Variants in TNIP3 observed in about 807,000 individuals in gnomAD.
TNIP3 encodes TNFAIP3-interacting protein 3.
TNIP3 carries 34 observed loss-of-function variants against 54.1 expected under a neutral mutation model. The ratio of observed to expected loss-of-function variants is 0.63; its 90% CI spans 0.48 to 0.84. TNIP3 has a LOEUF of 0.84. Ranked by LOEUF, TNIP3 falls within the 40% of genes least tolerant of loss-of-function variation. TNIP3 has a pLI of 0.00. For synonymous variants in TNIP3, 134 were observed against 136.8 expected (o/e 0.98, Z 0.14); for missense variants, 366 against 387.6 (o/e 0.94, Z 0.47).
intron 7 of TNIP3, 63 bp from the exon 8 acceptor site, chr4:121,142,839 C>G: frequency 7.0e-7 from 1 of 1,423,470 alleles, no homozygotes; most frequent in Non-Finnish European, 9.8e-7. Context: ...TCCCAAGCCA[C>G]TCTTGACCTA....
upstream of TNIP3, among the ~76,000 whole-genome samples, chr4:121,218,636 CTCTG>C (rs1468300055): frequency 6.6e-6 from 1 of 151,252 alleles, no homozygotes; most frequent in African/African-American, 2.4e-5. Context: ...CTCTCCCTCT[CTCTG>C]TCTCTCTTTC....
At chr4:121,177,393 A>T (rs1388805373) in intron 3 of TNIP3, among the ~76,000 whole-genome samples, 1 of 152,160 alleles carries the variant, frequency 6.6e-6, no homozygotes, top group Non-Finnish European at 1.5e-5. Context: ...GGAGTTCCTC[A>T]TGTTCATCAA....
intron 9 of TNIP3, among the ~76,000 whole-genome samples, chr4:121,139,206 TGAA>T (rs1437188481): frequency 6.6e-6 from 1 of 152,216 alleles, no homozygotes; most frequent in East Asian, 1.9e-4. Flanking sequence ...TTTGCTGTTG[TGAA>T]GAACCGATCC....
chr4:121,134,181 T>A (rs555054793), intron 10 of TNIP3, among the ~76,000 whole-genome samples: 6 of 152,286 alleles, frequency 3.9e-5, no homozygotes, highest in Admixed American at 2.0e-4. Context: ...CAGTTTCACA[T>A]CCCTACATTT....
At chr4:121,204,196 G>C (rs1726055659) in intron 2 of TNIP3, among the ~76,000 whole-genome samples, 2 of 152,210 alleles carry the variant, frequency 1.3e-5, no homozygotes, top group South Asian at 4.1e-4. Context: ...GCAAAGTCAA[G>C]CTGGAAACTG....
intron 2 of TNIP3, among the ~76,000 whole-genome samples, chr4:121,160,336 G>A (rs1264792316): frequency 6.6e-6 from 1 of 152,064 alleles, no homozygotes; most frequent in Non-Finnish European, 1.5e-5. Context: ...AATATTAGCT[G>A]GGCATGGTCG....
chr4:121,213,315 CA>C (rs1167089571), intron 2 of TNIP3, among the ~76,000 whole-genome samples: 8 of 152,148 alleles, frequency 5.3e-5, no homozygotes, highest in Admixed American at 3.9e-4. Context: ...CATGAGAACA[CA>C]AAGTCATCTC....
chr4:121,134,686 G>A (rs866368728), intron 10 of TNIP3, among the ~76,000 whole-genome samples: 2 of 152,174 alleles, frequency 1.3e-5, no homozygotes, highest in Admixed American at 6.5e-5. Context: ...TGAGAGCAAA[G>A]CTGGAAATTA....
rs139217831 is a variant in TNIP3 at position 121,208,146 on chromosome 4, G to C, written c.68+8269C>G. 9.6e-4 allele frequency among the ~76,000 whole-genome samples: 146 copies of C among 152,192 alleles called. 3 individuals are homozygous for C. The East Asian group carries it at 0.024, about 25-fold the overall frequency. ...ATGTCTTTATCAGCAGCATGAAAAT[G>C]AACTAATATACAACCCTTTCCCAAA... On this transcript the variant is annotated intron_variant, in intron 2 of 12. Coordinates refer to the TNIP3 transcript ENST00000507879.
At chr4:121,182,621 T>C in intron 3 of TNIP3, 1 of 1,521,476 alleles carries the variant, frequency 6.6e-7, no homozygotes, top group African/African-American at 1.4e-5. Context: ...TTCTTCTTGA[T>C]GAATAAACTG....
At chr4:121,224,088 G>C (rs907355472) in intron 1 of TNIP3, among the ~76,000 whole-genome samples, 2 of 152,106 alleles carry the variant, frequency 1.3e-5, no homozygotes, top group African/African-American at 4.8e-5. Context: ...AGTGCTCTCT[G>C]CTGATAATAA....
At chr4:121,151,353 GA>G (rs1469522773) in intron 5 of TNIP3, among the ~76,000 whole-genome samples, 1 of 152,160 alleles carries the variant, frequency 6.6e-6, no homozygotes, top group Non-Finnish European at 1.5e-5. Context: ...GGTAGGAAAA[GA>G]AAAGCAAATG....
At chr4:121,180,539 T>C (rs1026033415) in intron 3 of TNIP3, among the ~76,000 whole-genome samples, 44 of 152,266 alleles carry the variant, frequency 2.9e-4, no homozygotes, top group African/African-American at 1.0e-3. Context: ...TAGAGGTTAT[T>C]AATGGTGTGA....
intron 2 of TNIP3, among the ~76,000 whole-genome samples, chr4:121,199,416 C>T (rs1725765713): frequency 6.6e-6 from 1 of 152,146 alleles, no homozygotes; most frequent in Admixed American, 6.5e-5. Flanking sequence ...TACTATGTTT[C>T]TAGCCCAGAA....
At chr4:121,216,537 T>C (rs1297881941) in intron 1 of TNIP3, 7 of 1,534,394 alleles carry the variant, frequency 4.6e-6, no homozygotes, top group Non-Finnish European at 6.1e-6. Context: ...GAGGCTCAGA[T>C]GTACGTCAAG....
At chr4:121,159,640 G>A (rs1350443820) in intron 2 of TNIP3, among the ~76,000 whole-genome samples, 1 of 152,166 alleles carries the variant, frequency 6.6e-6, no homozygotes, top group Non-Finnish European at 1.5e-5. Flanking sequence ...CAACAAATAG[G>A]TAATATCACC....
At chr4:121,205,115 T>C (rs765897295) in intron 2 of TNIP3, among the ~76,000 whole-genome samples, 12 of 152,126 alleles carry the variant, frequency 7.9e-5, no homozygotes, top group Admixed American at 1.3e-4. Context: ...TATAGAGCAA[T>C]GTAAGTGGAA....
At chr4:121,142,990 G>A (rs1334125262) in intron 7 of TNIP3, among the ~76,000 whole-genome samples, 3 of 152,108 alleles carry the variant, frequency 2.0e-5, no homozygotes, top group African/African-American at 7.2e-5. Flanking sequence ...AGTTTTTTGA[G>A]GCCATTACAA....
chr4:121,157,339 C>T, intron 3 of TNIP3, 96 bp from the exon 4 acceptor site: 1 of 1,516,784 alleles, frequency 6.6e-7, no homozygotes, highest in Non-Finnish European at 9.1e-7. Context: ...CAGAAACGCC[C>T]CACCCCAGGA....
Sources: gnomAD v4.1 joint callset for allele counts (sites outside exome capture counted in the v4.1 genomes callset) on GRCh38, gnomAD v4.1.1 for gene constraint, MANE v1.5 for transcripts, NCBI Gene and HGNC (gene_info 2026-07-23, HGNC 2026-07-21) for gene names.